The following RASGRF2 variants were observed in gnomAD, a reference collection of about 807,000 sequenced individuals.
The protein encoded by RASGRF2 is ras-specific guanine nucleotide-releasing factor 2.
Under a neutral mutation model 151.0 loss-of-function variants are expected in RASGRF2, and 76 were observed. The observed-to-expected ratio is 0.50, with a 90% CI of 0.42 to 0.61. The LOEUF is 0.61. Among genes scored for constraint, RASGRF2 ranks in the 20% least tolerant of loss-of-function variants. RASGRF2 has a pLI of 0.00. For synonymous variants in RASGRF2, 504 were observed against 566.5 expected, an observed-to-expected ratio of 0.89 and a Z score of 1.57; for missense variants, 1,148 against 1,564.6, an observed-to-expected ratio of 0.73 and a Z score of 4.49.
At chr5:81,100,305 G>C (rs1403407040) in intron 12 of RASGRF2, among the ~76,000 whole-genome samples, 1 of 152,038 alleles carries the variant, frequency 6.6e-6, no homozygotes, top group Non-Finnish European at 1.5e-5. Context: ...CTTTTTTTAA[G>C]ATGATAAAGT....
At position 81,064,872 on chromosome 5, in the gene RASGRF2, G is replaced by A. The variant is rs183709804; in HGVS notation, c.396-3160G>A. Among the ~76,000 whole-genome samples the A allele has an allele frequency of 2.8e-3, 430 of 152,278 alleles. 2 individuals are homozygous for A. The highest frequency in any genetic ancestry group is 8.7e-3 in the African/African-American group (362 of 41,548). On this transcript the variant is annotated intron_variant, in intron 2 of 26. Coordinates refer to ENST00000265080, the MANE Select transcript of RASGRF2 (RefSeq NM_006909.3). Reference sequence around the variant, plus strand: ...GGTTATGTTATATGGCAAAGGAAAAGAGTTACTGAAGATATCATTACAGTC... The same window carrying A: ...GGTTATGTTATATGGCAAAGGAAAAAAGTTACTGAAGATATCATTACAGTC...
At chr5:81,120,351 A>T (rs1753272327) in intron 15 of RASGRF2, among the ~76,000 whole-genome samples, 2 of 152,114 alleles carry the variant, frequency 1.3e-5, no homozygotes, top group African/African-American at 4.8e-5. Flanking sequence ...CCGAGGTGGA[A>T]GGATCGCTGG....
intron 1 of RASGRF2, among the ~76,000 whole-genome samples, chr5:80,970,731 C>T (rs138160986): frequency 1.2e-3 from 178 of 152,280 alleles, no homozygotes; most frequent in African/African-American, 4.0e-3. Context: ...CTGACCAGCC[C>T]GTGGCTTAAC....
intron 17 of RASGRF2, 65 bp downstream of exon 17, chr5:81,127,228 G>A (rs1294060867): frequency 3.3e-6 from 5 of 1,500,950 alleles, no homozygotes; most frequent in South Asian, 2.3e-5. Flanking sequence ...GCCCGTGTCT[G>A]CCAGTGTCTT....
In RASGRF2 at chr5:81,180,108, T is replaced by G. The variant is rs139620583; in HGVS notation, c.2687-67T>G. 3.4e-6 allele frequency: 3 copies of G among 882,250 alleles called. No homozygotes were observed. In the Admixed American group the frequency reaches 5.5e-5, roughly 16 times the overall value. 54.7% of individuals were successfully genotyped at this position (882,250 alleles called of 1,614,324 possible). A position where few individuals can be genotyped will look rare whatever the true frequency, so the allele number is the denominator to read the frequency against. ...TCGTTAACCAATGTCCTAAAATATA[T>G]GACCTTTTCCAGGTCCCTAGGGAGT... On this transcript the variant is annotated intron_variant, in intron 17 of 26. Coordinates refer to ENST00000265080, the MANE Select transcript of RASGRF2 (RefSeq NM_006909.3).
chr5:81,070,610 G>A (rs749767090), intron 4 of RASGRF2, 29 bp downstream of exon 4: 104 of 1,539,368 alleles, frequency 6.8e-5, no homozygotes, highest in Non-Finnish European at 9.0e-5. Context: ...CAGCTTTGTA[G>A]GAGCATGGTG....
intron 1 of RASGRF2, among the ~76,000 whole-genome samples, chr5:81,027,357 G>A (rs1750073069): frequency 6.6e-6 from 1 of 152,198 alleles, no homozygotes; most frequent in Non-Finnish European, 1.5e-5. Context: ...GGAGCTTCCT[G>A]TACTTTCTGT....
intron 7 of RASGRF2, 100 bp downstream of exon 7, chr5:81,080,889 G>C: frequency 9.3e-7 from 1 of 1,077,666 alleles, no homozygotes; most frequent in South Asian, 1.6e-5. Context: ...GCCCTGGGAG[G>C]AATTATGGCA....
chr5:80,975,173 C>T (rs34995), intron 1 of RASGRF2, among the ~76,000 whole-genome samples: 58,150 of 151,502 alleles, frequency 0.38, 11,891 homozygotes, highest in East Asian at 0.78. Flanking sequence ...TGGCTCTGCA[C>T]GCCAATAAAG....
At chr5:80,968,036 C>G (rs1747777717) in intron 1 of RASGRF2, among the ~76,000 whole-genome samples, 3 of 152,244 alleles carry the variant, frequency 2.0e-5, no homozygotes, top group Admixed American at 2.0e-4. Context: ...GCCTGGCTCC[C>G]TGCCTGGAAT....
intron 17 of RASGRF2, among the ~76,000 whole-genome samples, chr5:81,177,522 C>A (rs903259319): frequency 6.6e-6 from 1 of 151,422 alleles, no homozygotes; most frequent in African/African-American, 2.4e-5. Context: ...TAAGTTCATA[C>A]TATGTAGGCT....
intron 1 of RASGRF2, among the ~76,000 whole-genome samples, chr5:81,039,456 G>A (rs1479690513): frequency 6.6e-6 from 1 of 152,036 alleles, no homozygotes; most frequent in Non-Finnish European, 1.5e-5. Flanking sequence ...AGTGTAGCAG[G>A]TCTAAACTTG....
At chr5:81,086,395 C>A (rs776876944) in intron 8 of RASGRF2, among the ~76,000 whole-genome samples, 23 of 152,174 alleles carry the variant, frequency 1.5e-4, no homozygotes, top group Non-Finnish European at 2.9e-4. Context: ...TGGTAAGAAG[C>A]TAGAGAATGT....
chr5:81,177,883 AAAG>A (rs1158512908), intron 17 of RASGRF2, among the ~76,000 whole-genome samples: 2 of 152,318 alleles, frequency 1.3e-5, no homozygotes, highest in East Asian at 3.9e-4. Flanking sequence ...GAATGACTAA[AAAG>A]AAGTGTGGTG....
At chr5:81,069,745 C>T in intron 3 of RASGRF2, among the ~76,000 whole-genome samples, 1 of 152,086 alleles carries the variant, frequency 6.6e-6, no homozygotes, top group East Asian at 1.9e-4. Context: ...TAGAGAGGGG[C>T]AATTATGATC....
At chr5:80,993,768 A>C (rs1414700629) in intron 1 of RASGRF2, among the ~76,000 whole-genome samples, 1 of 152,150 alleles carries the variant, frequency 6.6e-6, no homozygotes. Context: ...AGAGGGTTGC[A>C]ACCAATCGTG....
intron 1 of RASGRF2, among the ~76,000 whole-genome samples, chr5:80,994,314 C>G (rs546125760): frequency 6.9e-6 from 1 of 144,628 alleles, no homozygotes; most frequent in Admixed American, 7.2e-5. Flanking sequence ...TGCAGTGAGC[C>G]GAGATTGCAC....
At chr5:81,196,934 T>G (rs1755278620) in intron 18 of RASGRF2, among the ~76,000 whole-genome samples, 1 of 152,186 alleles carries the variant, frequency 6.6e-6, no homozygotes, top group Admixed American at 6.5e-5. Flanking sequence ...TACCTTGAAA[T>G]GAGGGAGAGA....
At chr5:81,062,231 C>T (rs924121872) in intron 2 of RASGRF2, among the ~76,000 whole-genome samples, 3 of 152,038 alleles carry the variant, frequency 2.0e-5, no homozygotes, top group Admixed American at 6.5e-5. Context: ...CTAATTTTAG[C>T]CAGTGTGATT....
Sources: allele counts gnomAD v4.1 joint callset (sites outside exome capture counted in the v4.1 genomes callset), GRCh38; gene constraint gnomAD v4.1.1; transcripts MANE v1.5; gene names NCBI Gene and HGNC (gene_info 2026-07-23, HGNC 2026-07-21).